The following LRP1B variants were observed in gnomAD, a reference collection of about 807,000 sequenced individuals.
LRP1B encodes the protein LDL receptor related protein 1B, also known as low-density lipoprotein receptor-related protein 1B.
LRP1B carries 217 observed loss-of-function variants against 556.6 expected under a neutral mutation model. That is an observed-to-expected ratio of 0.39 (90% CI 0.35 to 0.44). LRP1B has a LOEUF of 0.44. LRP1B is among the 20% of genes least tolerant of loss of function. LRP1B has a pLI of 1.00. For missense variants in LRP1B, 5,053 were observed against 5,620.8 expected (o/e 0.90, Z 3.23); for synonymous variants, 2,047 against 1,865.8 (o/e 1.10, Z -2.50).
intron 2 of LRP1B, among the ~76,000 whole-genome samples, chr2:141,539,928 G>A (rs1411470384): frequency 2.0e-5 from 3 of 152,038 alleles, no homozygotes; most frequent in Admixed American, 2.0e-4. Flanking sequence ...CACGTCCTAG[G>A]TTAGGCAAAT....
intron 2 of LRP1B, among the ~76,000 whole-genome samples, chr2:141,517,870 G>C (rs1684380789): frequency 6.6e-6 from 1 of 152,098 alleles, no homozygotes. Context: ...AAATCAAAAA[G>C]TAATTATAAA....
At chr2:141,977,300 G>T (rs1476539088) in intron 1 of LRP1B, among the ~76,000 whole-genome samples, 3 of 152,076 alleles carry the variant, frequency 2.0e-5, no homozygotes, top group Non-Finnish European at 4.4e-5. Flanking sequence ...CACTGGGCAC[G>T]GTGGCTCACG....
chr2:140,943,319 G>A, intron 20 of LRP1B, among the ~76,000 whole-genome samples: 1 of 151,982 alleles, frequency 6.6e-6, no homozygotes, highest in African/African-American at 2.4e-5. Context: ...CACAATAATA[G>A]TGGGGGACTT....
intron 19 of LRP1B, among the ~76,000 whole-genome samples, chr2:140,951,159 C>A (rs1338571590): frequency 6.6e-6 from 1 of 152,102 alleles, no homozygotes; most frequent in African/African-American, 2.4e-5. Context: ...GTTTATAATT[C>A]TATCTTCAAT....
At position 141,635,671 on chromosome 2, in the gene LRP1B, T is replaced by C. The variant is rs1689086728; in HGVS notation, c.206-155138A>G. On this transcript the variant is annotated intron_variant, in intron 2 of 90. Coordinates refer to ENST00000389484, the MANE Select transcript of LRP1B (RefSeq NM_018557.3). ...TAGTTGGCTTTTGCATATAGCCTTG[T>C]AGAGTAACATTTAGGACATAACTTC... 2.0e-5 allele frequency among the ~76,000 whole-genome samples: 3 copies of C among 152,208 alleles called. No homozygotes were observed. In the South Asian group the frequency reaches 6.2e-4, roughly 31 times the overall value.
intron 41 of LRP1B, among the ~76,000 whole-genome samples, chr2:140,667,598 T>C (rs910382850): frequency 6.6e-6 from 1 of 152,230 alleles, no homozygotes; most frequent in African/African-American, 2.4e-5. Context: ...CCATGACCTT[T>C]GTTTGAATAT....
At chr2:140,974,369 C>G (rs1420334257) in intron 18 of LRP1B, among the ~76,000 whole-genome samples, 1 of 152,182 alleles carries the variant, frequency 6.6e-6, no homozygotes, top group African/African-American at 2.4e-5. Context: ...ACAACAGTCT[C>G]TAATTCTGTG....
intron 2 of LRP1B, among the ~76,000 whole-genome samples, chr2:141,628,459 T>A (rs355590): frequency 0.03 from 4,600 of 151,946 alleles, 255 homozygotes; most frequent in African/African-American, 0.11. Context: ...AAAAAAAAAA[T>A]TCTTGATGGA....
Position 141,444,581 on chromosome 2 carries a change from ATTATT to A in LRP1B, c.343+35810_343+35814del, listed in dbSNP as rs146750414. ...TGGGGGTTTGTCATAAATAGTTCTT[ATTATT>A]TTGAGATATGTTCCATCAGTGCTTA... On this transcript the variant is annotated intron_variant, in intron 3 of 90. Transcript: ENST00000389484. 5.3e-3 allele frequency among the ~76,000 whole-genome samples: 810 copies of A among 152,210 alleles called. 8 individuals are homozygous for A. The highest frequency in any genetic ancestry group is 0.019 in the African/African-American group (792 of 41,516).
intron 2 of LRP1B, among the ~76,000 whole-genome samples, chr2:141,759,009 G>A (rs1694425725): frequency 6.6e-6 from 1 of 151,896 alleles, no homozygotes. Flanking sequence ...TAAACACGTT[G>A]ATAAAAATAA....
chr2:140,887,720 A>G (rs1693680697), intron 23 of LRP1B, among the ~76,000 whole-genome samples: 2 of 152,220 alleles, frequency 1.3e-5, no homozygotes, highest in Non-Finnish European at 2.9e-5. Flanking sequence ...TATATTATTC[A>G]TCAATACAAA....
At chr2:141,971,840 C>T (rs112590037) in intron 1 of LRP1B, among the ~76,000 whole-genome samples, 2,379 of 151,564 alleles carry the variant, frequency 0.016, 61 homozygotes, top group African/African-American at 0.055. Context: ...TCTTTTGAAA[C>T]TGACAATCTG....
intron 17 of LRP1B, among the ~76,000 whole-genome samples, chr2:140,987,853 G>A (rs1696972441): frequency 6.6e-6 from 1 of 152,018 alleles, no homozygotes; most frequent in Admixed American, 6.6e-5. Context: ...GCATGGTGGT[G>A]TGTGCCTGTA....
chr2:140,243,912 A>C (rs1237164446), intron 87 of LRP1B, among the ~76,000 whole-genome samples: 2 of 151,404 alleles, frequency 1.3e-5, no homozygotes, highest in East Asian at 3.9e-4. Flanking sequence ...TTCCTGTGAC[A>C]TTCTCTATCT....
chr2:141,456,212 C>A (rs1399297489), intron 3 of LRP1B, among the ~76,000 whole-genome samples: 1 of 152,128 alleles, frequency 6.6e-6, no homozygotes, highest in Non-Finnish European at 1.5e-5. Flanking sequence ...TGAAGTTTTG[C>A]AAATGTATTT....
Position 140,517,344 on chromosome 2 carries a change from A to C in LRP1B, c.8027-333T>G, listed in dbSNP as rs62173020. On this transcript the variant is annotated intron_variant, in intron 49 of 90. Transcript: ENST00000389484. ...AAAGTTAAAAAATAGATACGACTCT[A>C]AATTGAGTGAGCCTAAGGCCAAAGA... Among the ~76,000 whole-genome samples the C allele has an allele frequency of 5.2e-3, 799 of 152,304 alleles. 5 individuals are homozygous for C. The highest frequency in any genetic ancestry group is 0.011 in the South Asian group (52 of 4,826).
At position 140,907,861 on chromosome 2, in the gene LRP1B, A is replaced by T. The variant is rs1694301570; in HGVS notation, c.3520+16T>A. 1 of 1,611,734 alleles carries T rather than the reference A, an allele frequency of 6.2e-7. No homozygotes were observed. The highest frequency in any genetic ancestry group is 8.5e-7 in the Non-Finnish European group (1 of 1,178,036). The stretch of plus-strand genomic sequence containing the variant: ...TAGTTTTCATGGAGAAGTCAGTACA[A>T]TTAAACATGCAATACCACAGAGATA... On this transcript the variant is annotated intron_variant, in intron 22 of 90. Transcript: ENST00000389484.
intron 3 of LRP1B, among the ~76,000 whole-genome samples, chr2:141,323,549 G>A (rs188193809): frequency 6.6e-6 from 1 of 151,664 alleles, no homozygotes; most frequent in East Asian, 1.9e-4. Context: ...TGACCTAATG[G>A]CTCTTCTCAA....
chr2:140,413,980 C>G (rs1489962799), intron 66 of LRP1B, among the ~76,000 whole-genome samples: 1 of 152,116 alleles, frequency 6.6e-6, no homozygotes. Context: ...TGCATTGATG[C>G]AATCAGCTCA....
Sources: allele counts gnomAD v4.1 joint callset (sites outside exome capture counted in the v4.1 genomes callset), GRCh38; gene constraint gnomAD v4.1.1; transcripts MANE v1.5; gene names NCBI Gene and HGNC (gene_info 2026-07-23, HGNC 2026-07-21).